AMACR: variants seen among roughly 807,000 people sequenced by gnomAD.
AMACR encodes the protein alpha-methylacyl-CoA racemase.
A neutral mutation model predicts 22.2 loss-of-function variants in AMACR; 18 were observed. The observed-to-expected ratio is 0.81, with a 90% CI of 0.56 to 1.20. AMACR has a LOEUF of 1.20. AMACR is among the 50% of genes most tolerant of loss of function. The probability of loss-of-function intolerance (pLI) is 0.00; values close to 1 mark genes in which losing one functional copy is unlikely to be tolerated. For missense variants in AMACR, 499 were observed against 490.6 expected (o/e 1.02, Z -0.16); for synonymous variants, 213 against 191.3 (o/e 1.11, Z -0.94).
At chr5:33,990,929 A>G (rs562791472) in intron 4 of AMACR, among the ~76,000 whole-genome samples, 1 of 152,364 alleles carries the variant, frequency 6.6e-6, no homozygotes, top group East Asian at 1.9e-4. Flanking sequence ...CAGGACGGAT[A>G]TGAGGCCATA....
chr5:33,992,101 G>A lies in AMACR; in HGVS notation c.740-2599C>T, dbSNP rs549558418. Among the ~76,000 whole-genome samples, 98 of 152,010 alleles carry A rather than the reference G, an allele frequency of 6.4e-4. 2 individuals are homozygous for A. The highest frequency in any genetic ancestry group is 1.1e-3 in the Non-Finnish European group (72 of 67,942). ...TCACTATGTTGGCCGGGCTGGTCTC[G>A]AACTCCTGCCCTCGTGATCCGCCCG... On this transcript the variant is annotated intron_variant, in intron 4 of 4. Transcript: ENST00000335606.
chr5:34,002,066 G>A (rs766749579), intron 3 of AMACR, among the ~76,000 whole-genome samples: 2 of 151,710 alleles, frequency 1.3e-5, no homozygotes, highest in South Asian at 2.1e-4. Flanking sequence ...GTGTGGTCTC[G>A]GCTCACTGCA....
At chr5:33,997,451 G>C in intron 4 of AMACR, 1 of 778,876 alleles carries the variant, frequency 1.3e-6, no homozygotes, top group Non-Finnish European at 2.4e-6. Flanking sequence ...TCACACTGAC[G>C]AGGGTTTGCC....
chr5:34,004,833 G>C, intron 2 of AMACR, 99 bp from the exon 3 acceptor site: 1 of 1,386,290 alleles, frequency 7.2e-7, no homozygotes, highest in Non-Finnish European at 1.0e-6. Flanking sequence ...CTCTCCAGCA[G>C]ATAATCTAAG....
chr5:33,993,118 C>T (rs1022781316), intron 4 of AMACR, among the ~76,000 whole-genome samples: 8 of 152,204 alleles, frequency 5.3e-5, no homozygotes, highest in Non-Finnish European at 1.2e-4. Flanking sequence ...CACCATTCTA[C>T]TTTCTGTCTC....
At chr5:33,998,960 A>G (rs1753726237) in intron 3 of AMACR, 133 bp from the exon 4 acceptor site, 1 of 778,932 alleles carries the variant, frequency 1.3e-6, no homozygotes, top group Non-Finnish European at 2.1e-6. Context: ...CTACCTAATT[A>G]CACAACTTCT....
chr5:33,996,111 G>C (rs771641372), intron 4 of AMACR, among the ~76,000 whole-genome samples: 1 of 152,044 alleles, frequency 6.6e-6, no homozygotes, highest in Non-Finnish European at 1.5e-5. Flanking sequence ...CATTCTCAGG[G>C]CTTGTCTTTC....
intron 3 of AMACR, among the ~76,000 whole-genome samples, chr5:34,004,218 A>C (rs1753900493): frequency 6.6e-6 from 1 of 152,214 alleles, no homozygotes; most frequent in South Asian, 2.1e-4. Flanking sequence ...CGACTGCTTG[A>C]AAATGATATA....
chr5:34,004,555 T>C lies in AMACR; in HGVS notation c.552+19A>G. 6.2e-7 allele frequency: 1 copy of C among 1,614,056 alleles called. No homozygotes were observed. The highest frequency in any genetic ancestry group is 8.5e-7 in the Non-Finnish European group (1 of 1,179,904). On this transcript the variant is annotated intron_variant, in intron 3 of 4. Transcript: ENST00000335606. ...AACTTAGGGACAAGTGGCAGGCATC[T>C]ACCCCAATTAATACTTACCATATTT...
chr5:33,997,388 C>T (rs535438781), intron 4 of AMACR: 43 of 777,108 alleles, frequency 5.5e-5, no homozygotes, highest in South Asian at 3.9e-4. Flanking sequence ...CCGCCTCCAA[C>T]GGTTACTGCC....
chr5:33,996,694 G>C (rs1218480308), intron 4 of AMACR, among the ~76,000 whole-genome samples: 4 of 151,990 alleles, frequency 2.6e-5, no homozygotes, highest in Non-Finnish European at 5.9e-5. Flanking sequence ...TGGTACCCCA[G>C]AGTTCAAGGC....
At position 34,008,026 on chromosome 5, in the gene AMACR, T is replaced by G; in HGVS notation, c.-7A>C. The G allele has an allele frequency of 1.2e-6, 2 of 1,609,458 alleles. No homozygotes were observed. Among genetic ancestry groups the G allele is most frequent in the Non-Finnish European group, 1.7e-6 (2 of 1,179,672 alleles). ...AGATGCCCTGCAGTGCCATGGCGCT[T>G]CCCAGTGCCCCGCTGAAGGAAACTG... On this transcript the variant is annotated 5_prime_UTR_variant, in exon 1 of 5. Transcript: ENST00000335606.
intron 4 of AMACR, chr5:33,997,735 T>TA: frequency 1.8e-6 from 1 of 559,474 alleles, no homozygotes; most frequent in Non-Finnish European, 3.2e-6. Context: ...TTCTATAGTT[T>TA]TTCCAACTAT....
rs950881004 is a variant in AMACR, at chr5:33,988,034, G to A, written c.*1059C>T. 4.9e-5 allele frequency: 13 copies of A among 266,004 alleles called. No individual in the cohort carries two copies. The highest frequency in any genetic ancestry group is 7.0e-5 in the Non-Finnish European group (10 of 142,580). 16.5% of individuals were successfully genotyped at this position (266,004 alleles called of 1,614,324 possible). A position where few individuals can be genotyped will look rare whatever the true frequency, so the allele number is the denominator to read the frequency against. On this transcript the variant is annotated 3_prime_UTR_variant, in exon 5 of 5. Coordinates refer to ENST00000335606, the MANE Select transcript of AMACR (RefSeq NM_014324.6). Reference sequence around the variant, plus strand: ...CACCTTCCTCTTGCGATTGTTGAACGGCAGTTGAGATACTGCGCAGAATGG... The same window carrying A: ...CACCTTCCTCTTGCGATTGTTGAACAGCAGTTGAGATACTGCGCAGAATGG...
chr5:34,007,023 T>A (rs909870928), intron 1 of AMACR, among the ~76,000 whole-genome samples: 1 of 152,200 alleles, frequency 6.6e-6, no homozygotes, highest in Non-Finnish European at 1.5e-5. Flanking sequence ...TTGATGATCA[T>A]TGAAATTGGA....
chr5:33,996,980 T>A, intron 4 of AMACR: 2 of 590,498 alleles, frequency 3.4e-6, no homozygotes, highest in South Asian at 4.0e-5. Flanking sequence ...CACATTAAAT[T>A]ATTTAAAATG....
At chr5:34,004,409 A>T (rs1310505277) in intron 3 of AMACR, among the ~76,000 whole-genome samples, 165 bp downstream of exon 3, 2 of 152,230 alleles carry the variant, frequency 1.3e-5, no homozygotes, top group African/African-American at 4.8e-5. Flanking sequence ...ACAGATATAT[A>T]AAAGACATAA....
At chr5:33,990,816 A>G (rs1409782667) in intron 4 of AMACR, among the ~76,000 whole-genome samples, 1 of 152,248 alleles carries the variant, frequency 6.6e-6, no homozygotes, top group African/African-American at 2.4e-5. Flanking sequence ...TTTGAGGACT[A>G]TGAGGAAATA....
intron 4 of AMACR, among the ~76,000 whole-genome samples, chr5:33,993,742 T>C (rs1389633374): frequency 1.3e-5 from 2 of 151,990 alleles, no homozygotes; most frequent in Admixed American, 1.3e-4. Context: ...CTACTAAAAA[T>C]ACAAAAATTA....
Sources: allele counts gnomAD v4.1 joint callset (sites outside exome capture counted in the v4.1 genomes callset), GRCh38; gene constraint gnomAD v4.1.1; transcripts MANE v1.5; gene names NCBI Gene and HGNC (gene_info 2026-07-23, HGNC 2026-07-21).